Variants in ANKRD7 observed in about 807,000 individuals in gnomAD.
ANKRD7 encodes ankyrin repeat domain 7.
A neutral mutation model predicts 30.8 loss-of-function variants in ANKRD7; 30 were observed. The observed-to-expected ratio is 0.97, with a 90% CI of 0.73 to 1.32. The LOEUF (loss-of-function observed/expected upper bound fraction) is 1.32, where lower values mean the gene tolerates loss of function less well. ANKRD7 is among the 40% of genes most tolerant of loss of function. The pLI, the probability that ANKRD7 is intolerant of heterozygous loss-of-function variation, is 0.00. For synonymous variants in ANKRD7, 97 were observed against 106.6 expected, an observed-to-expected ratio of 0.91 and a Z score of 0.55; for missense variants, 264 against 295.7, an observed-to-expected ratio of 0.89 and a Z score of 0.79.
At chr7:118,241,160 C>CA (rs60703234) in intron 6 of ANKRD7, among the ~76,000 whole-genome samples, 1,493 of 21,504 alleles carry the variant, frequency 0.069, 177 homozygotes, top group Non-Finnish European at 0.095. Context: ...GACTCCGTCT[C>CA]AAAAAAAAAA....
At chr7:118,237,613 C>A (rs186410881) in intron 5 of ANKRD7, among the ~76,000 whole-genome samples, 214 of 151,820 alleles carry the variant, frequency 1.4e-3, no homozygotes, top group Middle Eastern at 4.4e-3. Context: ...TTTTATTATT[C>A]TTCTTCCACT....
chr7:118,235,948 G>A (rs897106170), intron 3 of ANKRD7, 93 bp from the exon 4 acceptor site: 9 of 615,072 alleles, frequency 1.5e-5, no homozygotes, highest in Admixed American at 3.0e-5. Flanking sequence ...ATATTCAGAA[G>A]TTCTTATGCA....
chr7:118,240,504 A>G (rs936093514), intron 6 of ANKRD7, among the ~76,000 whole-genome samples: 3 of 152,146 alleles, frequency 2.0e-5, no homozygotes, highest in Non-Finnish European at 4.4e-5. Flanking sequence ...ATCATTTTTT[A>G]TGGCTGCATA....
Position 118,236,835 on chromosome 7 carries a change from A to G in ANKRD7, c.621A>G (p.Val207=), listed in dbSNP as rs892773192. Residue 207 remains valine, a synonymous_variant, in exon 5 of 7, where the codon GTA becomes GTG. Transcript: ENST00000265224. The part of the protein sequence containing the change: ...LAVSGEPPCL[V]KLLLQQGVEL... ...TCAGTGGTGAACCACCATGTTTAGT[A>G]AAGCTTCTTCTTCAGCAAGGTGTGG... The G allele has an allele frequency of 1.2e-6, 2 of 1,613,854 alleles. No individual in the cohort carries two copies. The highest frequency in any genetic ancestry group is 1.3e-5 in the African/African-American group (1 of 74,914).
At chr7:118,237,485 T>A (rs967875932) in intron 5 of ANKRD7, among the ~76,000 whole-genome samples, 1 of 152,136 alleles carries the variant, frequency 6.6e-6, no homozygotes, top group Non-Finnish European at 1.5e-5. Context: ...ATTTAACTTA[T>A]AGATAATTTG....
At chr7:118,229,563 T>C (rs1209594315) in intron 1 of ANKRD7, among the ~76,000 whole-genome samples, 1 of 152,078 alleles carries the variant, frequency 6.6e-6, no homozygotes, top group African/African-American at 2.4e-5. Flanking sequence ...ATGGGAGAAC[T>C]TAAGGATACT....
chr7:118,231,492 G>A (rs900085596), intron 1 of ANKRD7, among the ~76,000 whole-genome samples: 2 of 152,030 alleles, frequency 1.3e-5, no homozygotes, highest in African/African-American at 4.8e-5. Context: ...ATGACCTAGT[G>A]TGAGTTAGCT....
intron 1 of ANKRD7, among the ~76,000 whole-genome samples, chr7:118,233,176 T>C (rs1343926914): frequency 6.6e-6 from 1 of 152,132 alleles, no homozygotes; most frequent in Non-Finnish European, 1.5e-5. Context: ...TGTTGTTTGA[T>C]GAATCATTTT....
chr7:118,227,586 C>G (rs1463568236), intron 1 of ANKRD7, among the ~76,000 whole-genome samples: 1 of 152,086 alleles, frequency 6.6e-6, no homozygotes, highest in African/African-American at 2.4e-5. Context: ...TCGGGGTTTC[C>G]TACTCTGTCA....
At chr7:118,236,479 AC>A (rs1277860328) in intron 4 of ANKRD7, among the ~76,000 whole-genome samples, 1 of 152,094 alleles carries the variant, frequency 6.6e-6, no homozygotes, top group Non-Finnish European at 1.5e-5. Flanking sequence ...GGGTCAGGGG[AC>A]CCAAAGTCCC....
intron 5 of ANKRD7, among the ~76,000 whole-genome samples, chr7:118,238,653 A>T (rs2116024445): frequency 1.3e-5 from 2 of 152,326 alleles, no homozygotes; most frequent in Middle Eastern, 3.4e-3. Context: ...CTTCCAAATG[A>T]AGGAATTATA....
intron 3 of ANKRD7, 48 bp downstream of exon 3, chr7:118,234,922 A>G: frequency 6.9e-7 from 1 of 1,455,390 alleles, no homozygotes; most frequent in South Asian, 1.4e-5. Context: ...AAAGCAACTG[A>G]AGAGCATATT....
chr7:118,230,341 A>C (rs374244036), intron 1 of ANKRD7, among the ~76,000 whole-genome samples: 21 of 152,076 alleles, frequency 1.4e-4, no homozygotes, highest in African/African-American at 5.1e-4. Flanking sequence ...ATTAGATGCT[A>C]TGTTCACTAT....
Position 118,234,067 on chromosome 7 carries a change from G to A in ANKRD7, c.180-364G>A, listed in dbSNP as rs138770463. On this transcript the variant is annotated intron_variant, in intron 1 of 6. Coordinates refer to ENST00000265224, the MANE Select transcript of ANKRD7 (RefSeq NM_019644.4). ...TGATTAAGTAATATCCTTTCCTCCTGTTACCTATTAGATGTATTTCAGGTT... is the reference window on the plus strand; with the variant it reads ...TGATTAAGTAATATCCTTTCCTCCTATTACCTATTAGATGTATTTCAGGTT... Among the ~76,000 whole-genome samples, 399 of 152,120 alleles carry A rather than the reference G, an allele frequency of 2.6e-3. 2 individuals are homozygous for A. Among genetic ancestry groups the A allele is most frequent in the African/African-American group, 9.1e-3 (378 of 41,518 alleles).
chr7:118,233,578 T>C (rs2116010300), intron 1 of ANKRD7, among the ~76,000 whole-genome samples: 1 of 152,276 alleles, frequency 6.6e-6, no homozygotes, highest in Admixed American at 6.5e-5. Context: ...GAGGTTCACC[T>C]TTTTGCTACT....
intron 3 of ANKRD7, 27 bp from the exon 4 acceptor site, chr7:118,236,014 T>A (rs770993607): frequency 1.6e-6 from 2 of 1,266,098 alleles, no homozygotes; most frequent in South Asian, 2.7e-5. Context: ...CTACAATATT[T>A]TAATCATTTT....
At chr7:118,231,610 C>T (rs1809639718) in intron 1 of ANKRD7, among the ~76,000 whole-genome samples, 1 of 152,116 alleles carries the variant, frequency 6.6e-6, no homozygotes. Flanking sequence ...AAGGCTACAG[C>T]TATGCCCTGG....
intron 6 of ANKRD7, among the ~76,000 whole-genome samples, chr7:118,241,787 C>T (rs945452922): frequency 4.6e-5 from 7 of 151,974 alleles, no homozygotes; most frequent in African/African-American, 1.7e-4. Context: ...GATCCGCCAG[C>T]CTCGGCCTCC....
intron 5 of ANKRD7, among the ~76,000 whole-genome samples, chr7:118,238,362 A>T (rs1255617914): frequency 6.6e-6 from 1 of 152,122 alleles, no homozygotes; most frequent in African/African-American, 2.4e-5. Context: ...TGATTAAGCA[A>T]TTACCTCTGG....
Sources: allele counts gnomAD v4.1 joint callset (sites outside exome capture counted in the v4.1 genomes callset), GRCh38; gene constraint gnomAD v4.1.1; transcripts MANE v1.5; gene names NCBI Gene and HGNC (gene_info 2026-07-23, HGNC 2026-07-21).